SCGN: variants seen among roughly 807,000 people sequenced by gnomAD.
The protein encoded by SCGN is secretagogin, EF-hand calcium binding protein.
In SCGN, 30 loss-of-function variants were observed where a neutral mutation model predicts 39.7. The observed-to-expected ratio is 0.76, with a 90% CI of 0.57 to 1.03. The LOEUF is 1.03. Among genes scored for constraint, SCGN ranks in the 50% least tolerant of loss-of-function variants. The pLI, the probability that SCGN is intolerant of heterozygous loss-of-function variation, is 0.00. For missense variants in SCGN, 353 were observed against 349.4 expected, an observed-to-expected ratio of 1.01 and a Z score of -0.08; for synonymous variants, 106 against 114.1, an observed-to-expected ratio of 0.93 and a Z score of 0.45.
intron 7 of SCGN, among the ~76,000 whole-genome samples, chr6:25,687,898 A>G (rs902260913): frequency 1.3e-5 from 2 of 152,166 alleles, no homozygotes; most frequent in African/African-American, 4.8e-5. Flanking sequence ...ATTACAATTA[A>G]CATCTTAATT....
At chr6:25,659,755 C>T (rs1317445290) in intron 2 of SCGN, among the ~76,000 whole-genome samples, 1 of 152,044 alleles carries the variant, frequency 6.6e-6, no homozygotes, top group Non-Finnish European at 1.5e-5. Context: ...GCTGTCTTCC[C>T]TGGGTTTTAT....
At chr6:25,691,200 T>G in intron 10 of SCGN, 76 bp downstream of exon 10, 1 of 1,120,954 alleles carries the variant, frequency 8.9e-7, no homozygotes. Context: ...TGGGAATCAG[T>G]GAGACTGAAG....
chr6:25,652,458 C>A lies in SCGN; in HGVS notation c.55C>A (p.Gln19Lys), dbSNP rs776711416. 6.2e-7 allele frequency: 1 copy of A among 1,613,932 alleles called. No individual in the cohort carries two copies. Among genetic ancestry groups the A allele is most frequent in the Non-Finnish European group, 8.5e-7 (1 of 1,180,006 alleles). The change falls in exon 1 of 11, where the codon CAG (glutamine) becomes AAG (lysine). Residue 19 changes from glutamine (Q) to lysine (K), a missense_variant. By Grantham distance (53) the Gln-to-Lys change is moderately conservative (BLOSUM62 1). Transcript: ENST00000377961. ...LGRLDAAGFW[Q>K]VWQRFDADEK... ...GCGCTTGGACGCCGCTGGCTTCTGG[C>A]AGGTCTGGCAGCGCTTTGATGCGGA...
At chr6:25,680,903 G>C (rs1759629578) in intron 6 of SCGN, among the ~76,000 whole-genome samples, 1 of 152,146 alleles carries the variant, frequency 6.6e-6, no homozygotes, top group African/African-American at 2.4e-5. Context: ...GGAAGGATGG[G>C]GGACTAATGC....
At chr6:25,689,278 C>T in intron 8 of SCGN, 61 bp downstream of exon 8, 1 of 1,338,778 alleles carries the variant, frequency 7.5e-7, no homozygotes, top group Non-Finnish European at 1.1e-6. Flanking sequence ...CGGATTTGAG[C>T]AGGAAAGAAG....
At chr6:25,689,073 C>A (rs1395683229) in intron 7 of SCGN, 99 bp from the exon 8 acceptor site, 5 of 732,072 alleles carry the variant, frequency 6.8e-6, no homozygotes, top group Non-Finnish European at 1.1e-5. Flanking sequence ...TTCTGTTCTG[C>A]AGGAAATTGC....
chr6:25,656,515 CTT>C (rs1269143343), intron 2 of SCGN, among the ~76,000 whole-genome samples: 3 of 152,208 alleles, frequency 2.0e-5, no homozygotes. Flanking sequence ...CCCTGCAAAC[CTT>C]TTCTTTCCAA....
intron 7 of SCGN, among the ~76,000 whole-genome samples, chr6:25,683,511 A>G (rs1759664576): frequency 6.6e-6 from 1 of 152,228 alleles, no homozygotes; most frequent in Non-Finnish European, 1.5e-5. Flanking sequence ...CTTAGTCCAT[A>G]CACAATATGA....
At chr6:25,663,134 C>T (rs1582573312) in intron 3 of SCGN, among the ~76,000 whole-genome samples, 1 of 152,162 alleles carries the variant, frequency 6.6e-6, no homozygotes, top group African/African-American at 2.4e-5. Flanking sequence ...CCTTAAAACG[C>T]AATGAGTCTG....
chr6:25,664,178 G>A (rs1444224775), intron 3 of SCGN, among the ~76,000 whole-genome samples: 6 of 152,164 alleles, frequency 3.9e-5, no homozygotes, highest in African/African-American at 1.4e-4. Flanking sequence ...AAAGCTGATT[G>A]GTTGAATTCA....
intron 6 of SCGN, among the ~76,000 whole-genome samples, chr6:25,675,384 C>A (rs1274885222): frequency 6.6e-6 from 1 of 152,228 alleles, no homozygotes; most frequent in South Asian, 2.1e-4. Flanking sequence ...AGATAATGGA[C>A]ACCTGGGTTG....
chr6:25,686,361 A>G (rs1044054644), intron 7 of SCGN, among the ~76,000 whole-genome samples: 6 of 152,208 alleles, frequency 3.9e-5, no homozygotes, highest in African/African-American at 7.2e-5. Context: ...TAATTTCTCC[A>G]TATTCTAATC....
chr6:25,671,733 C>G (rs951027389), intron 6 of SCGN, among the ~76,000 whole-genome samples: 1 of 152,088 alleles, frequency 6.6e-6, no homozygotes, highest in Non-Finnish European at 1.5e-5. Context: ...CCAGTGAAGC[C>G]CTCTAATAGA....
intron 10 of SCGN, among the ~76,000 whole-genome samples, chr6:25,697,428 T>A (rs1005130947): frequency 6.6e-6 from 1 of 152,242 alleles, no homozygotes; most frequent in Non-Finnish European, 1.5e-5. Context: ...GCACTTACCA[T>A]CAGTGAAACT....
chr6:25,690,867 T>C (rs1214741417), intron 9 of SCGN, among the ~76,000 whole-genome samples, 189 bp from the exon 10 acceptor site: 1 of 152,248 alleles, frequency 6.6e-6, no homozygotes, highest in Non-Finnish European at 1.5e-5. Flanking sequence ...ATGGAGCTGT[T>C]TTCAATGAGT....
intron 7 of SCGN, among the ~76,000 whole-genome samples, chr6:25,682,629 T>C (rs1223925328): frequency 6.6e-6 from 1 of 152,130 alleles, no homozygotes; most frequent in African/African-American, 2.4e-5. Flanking sequence ...TCTGAGCAAA[T>C]AGTCAGAGTT....
chr6:25,653,034 C>T (rs1760161287), intron 1 of SCGN, among the ~76,000 whole-genome samples: 1 of 152,260 alleles, frequency 6.6e-6, no homozygotes, highest in South Asian at 2.1e-4. Context: ...ACTCTGCAAA[C>T]TGGGATTCAA....
rs564337520 is a variant in SCGN at position 25,661,865 on chromosome 6, A to G, written c.246+221A>G. Among the ~76,000 whole-genome samples the G allele has an allele frequency of 8.5e-5, 13 of 152,196 alleles. No homozygotes were observed. In the South Asian group the frequency reaches 2.5e-3, roughly 29 times the overall value. ...GTAACAAAGAGTGTGCAATTCTTTT[A>G]TCATTTTATTTAGGTCAATCAATAT... On this transcript the variant is annotated intron_variant, in intron 3 of 10. Coordinates refer to ENST00000377961, the MANE Select transcript of SCGN (RefSeq NM_006998.4).
At chr6:25,685,650 G>GTATAATTATAAT (rs71544650) in intron 7 of SCGN, among the ~76,000 whole-genome samples, 1 of 151,752 alleles carries the variant, frequency 6.6e-6, no homozygotes, top group Non-Finnish European at 1.5e-5. Context: ...TTCTATTAAA[G>GTATAATTATAAT]TATAATTATA....
Sources: allele counts gnomAD v4.1 joint callset (sites outside exome capture counted in the v4.1 genomes callset), GRCh38; gene constraint gnomAD v4.1.1; transcripts MANE v1.5; gene names NCBI Gene and HGNC (gene_info 2026-07-23, HGNC 2026-07-21).